Variants in NHSL2 observed in about 807,000 individuals in gnomAD.
NHSL2 encodes the protein NHS like 2.
A neutral mutation model predicts 53.4 loss-of-function variants in NHSL2; 27 were observed. That is an observed-to-expected ratio of 0.51 (90% confidence interval 0.37 to 0.70). NHSL2 has a LOEUF of 0.70. Ranked by LOEUF, NHSL2 falls within the 30% of genes least tolerant of loss-of-function variation. The probability of loss-of-function intolerance (pLI) is 0.00; values close to 1 mark genes in which losing one functional copy is unlikely to be tolerated. For synonymous variants in NHSL2, 408 were observed against 404.1 expected (o/e 1.01, Z -0.12); for missense variants, 892 against 980.1 (o/e 0.91, Z 1.20).
chrX:72,020,792 T>A (rs72630030), intron 1 of NHSL2, among the ~76,000 whole-genome samples: 10,306 of 112,333 alleles, frequency 0.092, 786 homozygotes, highest in African/African-American at 0.24. Flanking sequence ...CATGGACCAG[T>A]GACATAGAAA....
chrX:71,967,524 G>T (rs1342015033), intron 1 of NHSL2, among the ~76,000 whole-genome samples: 1 of 110,973 alleles, frequency 9.0e-6, no homozygotes, highest in African/African-American at 3.3e-5. Flanking sequence ...TTTCTCTTGA[G>T]ATTTTTTCTT....
At chrX:72,046,283 C>G (rs2042305274) in intron 1 of NHSL2, among the ~76,000 whole-genome samples, 1 of 111,973 alleles carries the variant, frequency 8.9e-6, no homozygotes, top group Non-Finnish European at 1.9e-5. Flanking sequence ...CTAAATGGCA[C>G]TAGACTCTAA....
intron 1 of NHSL2, among the ~76,000 whole-genome samples, chrX:72,042,406 T>A (rs1286272067): frequency 1.8e-5 from 2 of 112,028 alleles, no homozygotes. Flanking sequence ...TTCACCCCCA[T>A]TGGGGTCTAG....
intron 1 of NHSL2, among the ~76,000 whole-genome samples, chrX:72,049,433 A>C (rs1274052070): frequency 9.0e-6 from 1 of 111,063 alleles, no homozygotes; most frequent in Non-Finnish European, 1.9e-5. Flanking sequence ...AAGGCATTGC[A>C]GCTCTCCAAG....
chrX:72,087,226 G>C (rs2041856582), intron 1 of NHSL2, among the ~76,000 whole-genome samples: 1 of 112,921 alleles, frequency 8.9e-6, no homozygotes, highest in Non-Finnish European at 1.9e-5. Flanking sequence ...TAGTCTTGAA[G>C]ACATTATGCT....
intron 1 of NHSL2, among the ~76,000 whole-genome samples, chrX:72,042,403 C>T (rs1224272606): frequency 8.9e-6 from 1 of 112,043 alleles, no homozygotes; most frequent in Non-Finnish European, 1.9e-5. Flanking sequence ...CAGTTCACCC[C>T]CATTGGGGTC....
intron 1 of NHSL2, among the ~76,000 whole-genome samples, chrX:71,921,436 G>A (rs1407996862): frequency 8.5e-5 from 9 of 106,063 alleles, no homozygotes; most frequent in Non-Finnish European, 1.2e-4. Context: ...AAAAAAAAAA[G>A]AGAGAGAGAG....
chrX:71,994,095 T>C (rs764354452), intron 1 of NHSL2, among the ~76,000 whole-genome samples: 7 of 112,232 alleles, frequency 6.2e-5, no homozygotes, highest in Non-Finnish European at 1.1e-4. Flanking sequence ...CTCCTCTCTC[T>C]GATCCCTTAG....
At chrX:71,984,635 A>G (rs1311455076) in intron 1 of NHSL2, among the ~76,000 whole-genome samples, 1 of 112,090 alleles carries the variant, frequency 8.9e-6, no homozygotes, top group Non-Finnish European at 1.9e-5. Flanking sequence ...AAAGCTAATA[A>G]CAGGTATACC....
intron 1 of NHSL2, among the ~76,000 whole-genome samples, chrX:72,106,070 G>A (rs933136098): frequency 1.8e-5 from 2 of 111,074 alleles, no homozygotes; most frequent in African/African-American, 6.5e-5. Flanking sequence ...TTAGCCGGGC[G>A]AGGTGGCGGG....
rs1172205534 is a variant in NHSL2 at position 71,910,972 on chromosome X, G to A, written c.-116G>A. 1.8e-6 allele frequency: 1 copy of A among 553,417 alleles called. No homozygotes were observed. The highest frequency in any genetic ancestry group is 5.2e-5 in the East Asian group (1 of 19,189). 45.6% of individuals were successfully genotyped at this position (553,417 alleles called of 1,213,427 possible). ...CACGCTCTCCGGCCCGCGCCCAGGG[G>A]CCTGCTACACCCGGAGCTGGGGCCG... On this transcript the variant is annotated 5_prime_UTR_variant, in exon 1 of 8. Coordinates refer to ENST00000633930, the MANE Select transcript of NHSL2 (RefSeq NM_001013627.3).
chrX:72,114,377 C>T (rs909142509), intron 1 of NHSL2, among the ~76,000 whole-genome samples: 12 of 111,729 alleles, frequency 1.1e-4, no homozygotes, highest in African/African-American at 3.9e-4. Context: ...GAGCCATGCC[C>T]GAGCCCACGA....
chrX:72,069,722 T>C, intron 1 of NHSL2: 1 of 933,275 alleles, frequency 1.1e-6, no homozygotes, highest in Non-Finnish European at 1.3e-6. Context: ...AACCGAGGAG[T>C]AAAAGCCAAA....
chrX:71,996,042 A>G (rs948614449), intron 1 of NHSL2, among the ~76,000 whole-genome samples: 7 of 112,368 alleles, frequency 6.2e-5, no homozygotes, highest in Non-Finnish European at 9.4e-5. Flanking sequence ...AGGAGTTAGC[A>G]GGTCTAGCCA....
At chrX:72,080,113 G>T (rs2147420035) in intron 1 of NHSL2, 1 of 112,441 alleles carries the variant, frequency 8.9e-6, no homozygotes, top group African/African-American at 3.2e-5. Context: ...ACCCACTGAG[G>T]AGCCTAGGGA....
At chrX:71,992,525 A>G (rs1240876541) in intron 1 of NHSL2, among the ~76,000 whole-genome samples, 1 of 111,992 alleles carries the variant, frequency 8.9e-6, no homozygotes, top group Non-Finnish European at 1.9e-5. Flanking sequence ...CTGCTTAGGA[A>G]CTCAGGGAGA....
chrX:71,950,280 G>A (rs930616624), intron 1 of NHSL2, among the ~76,000 whole-genome samples: 2 of 112,876 alleles, frequency 1.8e-5, no homozygotes, highest in Non-Finnish European at 3.8e-5. Flanking sequence ...AAGCCCATGA[G>A]GGCAGGGCAG....
chrX:71,914,539 G>A (rs985107870), intron 1 of NHSL2, among the ~76,000 whole-genome samples: 6 of 112,251 alleles, frequency 5.3e-5, no homozygotes, highest in Admixed American at 2.8e-4. Context: ...AAGATGTTCT[G>A]TTGCTTCTTA....
intron 1 of NHSL2, among the ~76,000 whole-genome samples, chrX:72,088,978 A>G (rs2041873979): frequency 8.9e-6 from 1 of 111,894 alleles, no homozygotes; most frequent in South Asian, 3.8e-4. Flanking sequence ...GCTTGCCATC[A>G]GAATGCTGAT....
Sources: allele counts gnomAD v4.1 joint callset (sites outside exome capture counted in the v4.1 genomes callset), GRCh38; gene constraint gnomAD v4.1.1; transcripts MANE v1.5; gene names NCBI Gene and HGNC (gene_info 2026-07-23, HGNC 2026-07-21).